The following PTPN2 variants were observed in gnomAD, a reference collection of about 807,000 sequenced individuals.
PTPN2 encodes the protein tyrosine-protein phosphatase non-receptor type 2.
In PTPN2, 19 loss-of-function variants were observed where a neutral mutation model predicts 57.3. That is an observed-to-expected ratio of 0.33 (90% CI 0.23 to 0.49). PTPN2 has a LOEUF of 0.49. PTPN2 is among the 20% of genes least tolerant of loss of function. The pLI is 0.99. For missense variants in PTPN2, 358 were observed against 501.1 expected (o/e 0.71, Z 2.73); for synonymous variants, 153 against 164.9 (o/e 0.93, Z 0.55).
intron 1 of PTPN2, among the ~76,000 whole-genome samples, chr18:12,870,433 ATATAT>A (rs2044203540): frequency 6.0e-5 from 2 of 33,490 alleles, no homozygotes; most frequent in Non-Finnish European, 9.1e-5. Flanking sequence ...ATACGTATAT[ATATAT>A]GTGTATATAT....
At chr18:12,823,800 T>C (rs2042352922) in intron 5 of PTPN2, among the ~76,000 whole-genome samples, 1 of 152,184 alleles carries the variant, frequency 6.6e-6, no homozygotes, top group African/African-American at 2.4e-5. Flanking sequence ...AATACGGGGA[T>C]AATAAGAATA....
intron 4 of PTPN2, among the ~76,000 whole-genome samples, chr18:12,828,940 C>T (rs1311521301): frequency 6.6e-5 from 10 of 152,154 alleles, no homozygotes; most frequent in Non-Finnish European, 1.0e-4. Context: ...GCTCTGTCCC[C>T]AGGCTGGAGT....
At position 12,870,349 on chromosome 18, in the gene PTPN2, ATG is replaced by A. The variant is rs1382110047; in HGVS notation, c.70-11097_70-11096del. On this transcript the variant is annotated intron_variant, in intron 1 of 8. Transcript: ENST00000309660. ...TATATATGTATATATATACATATAT[ATG>A]TGTATATATATGTGTATATATACAT... 1.3e-3 allele frequency among the ~76,000 whole-genome samples: 65 copies of A among 49,602 alleles called. 6 individuals are homozygous for A. The highest frequency in any genetic ancestry group is 4.7e-3 in the East Asian group (3 of 636). The allele number at this position is 49,602 out of a possible 152,430, so 32.5% of individuals were successfully genotyped here.
At chr18:12,845,080 G>A (rs2043168971) in intron 2 of PTPN2, among the ~76,000 whole-genome samples, 2 of 152,156 alleles carry the variant, frequency 1.3e-5, no homozygotes, top group African/African-American at 2.4e-5. Flanking sequence ...TTTAAAACTA[G>A]GTAGAGTGAT....
intron 1 of PTPN2, chr18:12,880,433 A>G (rs927415008): frequency 1.3e-5 from 2 of 152,232 alleles, no homozygotes. Context: ...ACCTCTCCCC[A>G]CTTCTTCAAG....
At chr18:12,873,042 G>T (rs1308304490) in intron 1 of PTPN2, among the ~76,000 whole-genome samples, 2 of 152,100 alleles carry the variant, frequency 1.3e-5, no homozygotes. Context: ...CCAACACAGC[G>T]AAACCCCATC....
In PTPN2 at chr18:12,869,485, A is replaced by G. The variant is rs570585462; in HGVS notation, c.70-10231T>C. Among the ~76,000 whole-genome samples the G allele has an allele frequency of 4.6e-5, 7 of 152,350 alleles. No homozygotes were observed. The East Asian group carries it at 1.3e-3, about 29-fold the overall frequency. ...TTTGAAGTTTTTATTTTAAAAATCT[A>G]TATTACTGCAACTTAATTTCCATCA... is the stretch of plus-strand genomic sequence containing the variant. On this transcript the variant is annotated intron_variant, in intron 1 of 8. Coordinates refer to ENST00000309660, the MANE Select transcript of PTPN2 (RefSeq NM_002828.4).
chr18:12,874,539 G>T (rs2044411601), intron 1 of PTPN2, among the ~76,000 whole-genome samples: 1 of 123,124 alleles, frequency 8.1e-6, no homozygotes, highest in Admixed American at 8.3e-5. Flanking sequence ...AAGGTGGGGG[G>T]GGGTCAGCTC....
chr18:12,848,866 T>C (rs1226315222), intron 2 of PTPN2, among the ~76,000 whole-genome samples: 1 of 152,266 alleles, frequency 6.6e-6, no homozygotes, highest in Non-Finnish European at 1.5e-5. Flanking sequence ...TGAACCTTCC[T>C]GCTTTGGCTA....
In PTPN2 at chr18:12,831,012, G is replaced by C. The variant is rs768576389; in HGVS notation, c.291C>G (p.Phe97Leu). The C allele has an allele frequency of 3.7e-6, 6 of 1,609,912 alleles. No individual in the cohort carries two copies. Among genetic ancestry groups the C allele is most frequent in the Middle Eastern group, 1.6e-4 (1 of 6,062 alleles). The change falls in exon 4 of 9, where the codon TTC (phenylalanine) becomes TTG (leucine). Residue 97 changes from phenylalanine to leucine, a missense_variant. Physicochemically the swap from Phe to Leu is conservative, Grantham distance 22. This residue lies in a region of PTPN2 where 193 missense variants were observed against 315.4 expected (regional missense o/e 0.61). Transcript: ENST00000309660. ...TCTTCTGCTGCCAAACCATAAGCCA[G>C]AAATGGCAGCATGTGTTAGGAAGTG... ...QGPLPNTCCH[F>L]WLMVWQQKTK...
intron 1 of PTPN2, among the ~76,000 whole-genome samples, chr18:12,867,318 C>CAATAAATA (rs144118910): frequency 2.5e-4 from 38 of 151,002 alleles, no homozygotes; most frequent in African/African-American, 9.1e-4. Flanking sequence ...GAACCTGTCT[C>CAATAAATA]AATAAATAAA....
intron 1 of PTPN2, among the ~76,000 whole-genome samples, chr18:12,866,444 AAAC>A: frequency 8.9e-6 from 1 of 112,558 alleles, no homozygotes; most frequent in Non-Finnish European, 1.6e-5. Context: ...CTCAAAAACA[AAAC>A]AAAACAAAAC....
At position 12,830,473 on chromosome 18, in the gene PTPN2, C is replaced by T. The variant is rs1015059438; in HGVS notation, c.360+470G>A. On this transcript the variant is annotated intron_variant, in intron 4 of 8. Coordinates refer to ENST00000309660, the MANE Select transcript of PTPN2 (RefSeq NM_002828.4). ...AAATGATATTGAAGATCAGGAAAAA[C>T]CCCTGTAAATGACTATGCTGATACT... Among the ~76,000 whole-genome samples the T allele has an allele frequency of 5.3e-5, 8 of 152,214 alleles. No individual in the cohort carries two copies. The East Asian group carries it at 1.2e-3, about 22-fold the overall frequency.
At chr18:12,805,387 G>A (rs1469461674) in intron 7 of PTPN2, among the ~76,000 whole-genome samples, 6 of 151,652 alleles carry the variant, frequency 4.0e-5, no homozygotes, top group Non-Finnish European at 7.4e-5. Flanking sequence ...AACCCAGAAG[G>A]CGGAGGTAGC....
intron 2 of PTPN2, among the ~76,000 whole-genome samples, chr18:12,848,253 A>T (rs1326687873): frequency 6.6e-6 from 1 of 152,190 alleles, no homozygotes; most frequent in Non-Finnish European, 1.5e-5. Flanking sequence ...TTATAATTCT[A>T]AGACTATCAA....
chr18:12,876,794 G>A (rs2044506119), intron 1 of PTPN2, among the ~76,000 whole-genome samples: 1 of 152,142 alleles, frequency 6.6e-6, no homozygotes, highest in Non-Finnish European at 1.5e-5. Flanking sequence ...CAGGAGATTT[G>A]CAAATACCTT....
downstream of PTPN2, among the ~76,000 whole-genome samples, chr18:12,789,835 A>G (rs1161896646): frequency 6.7e-6 from 1 of 150,372 alleles, no homozygotes; most frequent in African/African-American, 2.4e-5. Context: ...CTTTATTTTT[A>G]TATCTATTTT....
At chr18:12,848,245 A>T (rs562376627) in intron 2 of PTPN2, among the ~76,000 whole-genome samples, 1 of 152,228 alleles carries the variant, frequency 6.6e-6, no homozygotes, top group African/African-American at 2.4e-5. Context: ...CTATCATCTT[A>T]TAATTCTAAG....
chr18:12,838,668 G>A (rs771181700), intron 2 of PTPN2, among the ~76,000 whole-genome samples: 7 of 152,088 alleles, frequency 4.6e-5, no homozygotes, highest in Non-Finnish European at 1.0e-4. Context: ...AAAAGCAAAG[G>A]AACGGTGAAT....
Sources: allele counts gnomAD v4.1 joint callset (sites outside exome capture counted in the v4.1 genomes callset), GRCh38; gene constraint gnomAD v4.1.1; regional missense constraint gnomAD v4.1.1; transcripts MANE v1.5; gene names NCBI Gene and HGNC (gene_info 2026-07-23, HGNC 2026-07-21).